The following SCGB2B2 variants were observed in gnomAD, a reference collection of about 807,000 sequenced individuals.
SCGB2B2 encodes secretoglobin family 2B member 2, also known as secretoglobin-like protein.
Under a neutral mutation model 7.6 loss-of-function variants are expected in SCGB2B2, and 11 were observed. That is an observed-to-expected ratio of 1.45 (90% confidence interval 0.91 to 2.40). SCGB2B2 has a LOEUF of 2.40. Ranked by LOEUF, SCGB2B2 falls within the 30% of genes most tolerant of loss-of-function variation. The pLI is 0.00. For synonymous variants in SCGB2B2, 50 were observed against 48.6 expected, an observed-to-expected ratio of 1.03 and a Z score of -0.12; for missense variants, 104 against 115.4, an observed-to-expected ratio of 0.90 and a Z score of 0.45.
At chr19:34,589,418 C>T (rs1483333315), downstream of SCGB2B2, among the ~76,000 whole-genome samples, 1 of 152,112 alleles carries the variant, frequency 6.6e-6, no homozygotes, top group Non-Finnish European at 1.5e-5. Context: ...CTGGGAGGCC[C>T]CTGGACCTGA....
At chr19:34,662,966 A>C (rs983021283) in intron 1 of SCGB2B2, among the ~76,000 whole-genome samples, 9 of 152,098 alleles carry the variant, frequency 5.9e-5, no homozygotes, top group African/African-American at 2.2e-4. Context: ...AAACAAAAAA[A>C]AACAATAAAA....
At chr19:34,640,026 C>A (rs1473398286) in intron 1 of SCGB2B2, among the ~76,000 whole-genome samples, 1 of 152,092 alleles carries the variant, frequency 6.6e-6, no homozygotes, top group Non-Finnish European at 1.5e-5. Flanking sequence ...TATGGCCAAC[C>A]AAACCTTCCA....
rs933497273 is a variant in SCGB2B2, at chr19:34,661,563, G to A, written c.-2032+14067C>T. ...CAAGAACTAAGTAAAGCTTTAGTGT[G>A]TACTCAACGCAGTGCCACACTGGCA... On this transcript the variant is annotated intron_variant, in intron 1 of 3. Transcript: ENST00000601241. 3.3e-5 allele frequency among the ~76,000 whole-genome samples: 5 copies of A among 152,252 alleles called. No homozygotes were observed. In the East Asian group the frequency reaches 7.7e-4, roughly 23 times the overall value.
At chr19:34,621,274 C>T (rs1169081100) in intron 1 of SCGB2B2, among the ~76,000 whole-genome samples, 3 of 152,080 alleles carry the variant, frequency 2.0e-5, no homozygotes, top group Non-Finnish European at 4.4e-5. Flanking sequence ...GGATTATTGG[C>T]CTCAGGGTGG....
intron 1 of SCGB2B2, among the ~76,000 whole-genome samples, chr19:34,658,187 C>A (rs527275806): frequency 2.6e-5 from 4 of 152,044 alleles, no homozygotes; most frequent in Middle Eastern, 3.4e-3. Flanking sequence ...ATTAAAAGAA[C>A]GAGAGATTCA....
intron 1 of SCGB2B2, among the ~76,000 whole-genome samples, chr19:34,603,600 C>G (rs1466096712): frequency 6.6e-6 from 1 of 152,118 alleles, no homozygotes; most frequent in Non-Finnish European, 1.5e-5. Flanking sequence ...AAAATGAGAG[C>G]AATGTCATTG....
intron 1 of SCGB2B2, among the ~76,000 whole-genome samples, chr19:34,628,142 A>C (rs2066429014): frequency 6.6e-6 from 1 of 152,238 alleles, no homozygotes; most frequent in African/African-American, 2.4e-5. Context: ...GGAAATTTAT[A>C]GCACTAAATG....
At chr19:34,610,623 A>C (rs1253173805) in intron 1 of SCGB2B2, among the ~76,000 whole-genome samples, 1 of 152,090 alleles carries the variant, frequency 6.6e-6, no homozygotes, top group African/African-American at 2.4e-5. Context: ...ATTGATTTGT[A>C]TATTTTCATT....
intron 1 of SCGB2B2, among the ~76,000 whole-genome samples, chr19:34,660,949 A>G (rs1179878039): frequency 6.6e-6 from 1 of 152,204 alleles, no homozygotes; most frequent in African/African-American, 2.4e-5. Context: ...CAGCCATAAG[A>G]ATGGATGAGT....
At chr19:34,602,064 T>C (rs1194607864) in intron 1 of SCGB2B2, among the ~76,000 whole-genome samples, 1 of 152,218 alleles carries the variant, frequency 6.6e-6, no homozygotes, top group Admixed American at 6.5e-5. Flanking sequence ...ATAGGAAGTT[T>C]ACTGTAGGAT....
intron 1 of SCGB2B2, among the ~76,000 whole-genome samples, chr19:34,618,365 A>G (rs897211811): frequency 9.2e-5 from 14 of 152,238 alleles, no homozygotes; most frequent in Admixed American, 3.3e-4. Context: ...GATTAATTCT[A>G]TAAGAAAAAC....
chr19:34,590,154 T>C (rs1436867948), downstream of SCGB2B2, among the ~76,000 whole-genome samples: 1 of 152,166 alleles, frequency 6.6e-6, no homozygotes, highest in Non-Finnish European at 1.5e-5. Context: ...CTGAGGATGT[T>C]ACCTGGCCCA....
chr19:34,593,539 T>C lies in SCGB2B2; in HGVS notation c.*16A>G, dbSNP rs531111221. ...AAGGCAGGAGGGCCAATATCTGATC[T>C]GCAGGGGTCCTCAGATCAGAAGGCT... is the stretch of plus-strand genomic sequence containing the variant. On this transcript the variant is annotated 3_prime_UTR_variant, in exon 4 of 4. Transcript: ENST00000601241. The C allele has an allele frequency of 5.6e-5, 86 of 1,547,540 alleles. No individual in the cohort carries two copies. In the South Asian group the frequency reaches 1.0e-3, roughly 18 times the overall value.
chr19:34,597,497 C>T (rs991950970), intron 1 of SCGB2B2, among the ~76,000 whole-genome samples: 4 of 152,190 alleles, frequency 2.6e-5, no homozygotes, highest in African/African-American at 9.6e-5. Flanking sequence ...CCATCTCAGC[C>T]TCACCTGGGA....
intron 1 of SCGB2B2, among the ~76,000 whole-genome samples, chr19:34,647,348 T>G (rs1431179702): frequency 6.6e-6 from 1 of 152,076 alleles, no homozygotes; most frequent in Non-Finnish European, 1.5e-5. Flanking sequence ...GGAAGGTCCC[T>G]CCCCAAACCT....
At chr19:34,614,317 T>C (rs1278184294) in intron 1 of SCGB2B2, among the ~76,000 whole-genome samples, 1 of 152,114 alleles carries the variant, frequency 6.6e-6, no homozygotes, top group East Asian at 1.9e-4. Flanking sequence ...TATATCTTAA[T>C]TTTTCTGTAA....
rs185444366 is a variant in SCGB2B2, at chr19:34,655,388, C to T, written c.-2032+20242G>A. On this transcript the variant is annotated intron_variant, in intron 1 of 3. Coordinates refer to ENST00000601241, the MANE Select transcript of SCGB2B2 (RefSeq NM_001025591.4). The stretch of plus-strand genomic sequence containing the variant: ...CCTTGGTCTCCACAAACCCTTACCA[C>T]AACCCAGGCATTCCTTTTTATTGAC... Among the ~76,000 whole-genome samples, 42 of 151,264 alleles carry T rather than the reference C, an allele frequency of 2.8e-4. 1 individual carries two copies. Among genetic ancestry groups the T allele is most frequent in the African/African-American group, 7.9e-4 (32 of 40,544 alleles).
intron 1 of SCGB2B2, among the ~76,000 whole-genome samples, chr19:34,671,947 G>T (rs1474039955): frequency 6.6e-6 from 1 of 151,952 alleles, no homozygotes; most frequent in Non-Finnish European, 1.5e-5. Flanking sequence ...GAAATGTATT[G>T]GAAGATTATT....
chr19:34,659,615 A>C (rs971647310), intron 1 of SCGB2B2, among the ~76,000 whole-genome samples: 1 of 152,240 alleles, frequency 6.6e-6, no homozygotes, highest in African/African-American at 2.4e-5. Flanking sequence ...AGAACTACAA[A>C]GCACTGCTCA....
Sources: gnomAD v4.1 joint callset for allele counts (sites outside exome capture counted in the v4.1 genomes callset) on GRCh38, gnomAD v4.1.1 for gene constraint, MANE v1.5 for transcripts, NCBI Gene and HGNC (gene_info 2026-07-23, HGNC 2026-07-21) for gene names.